USP32: variants seen among roughly 807,000 people sequenced by gnomAD.
USP32 encodes ubiquitin specific peptidase 32.
In USP32, 59 loss-of-function variants were observed where a neutral mutation model predicts 204.8. The ratio of observed to expected loss-of-function variants is 0.29; its 90% confidence interval spans 0.23 to 0.36. USP32 has a LOEUF of 0.36. Ranked by LOEUF, USP32 falls within the 10% of genes least tolerant of loss-of-function variation. USP32 has a pLI of 1.00. For missense variants in USP32, 1,160 were observed against 1,946.4 expected (o/e 0.60, Z 7.60); for synonymous variants, 517 against 678.4 (o/e 0.76, Z 3.70).
chr17:60,417,703 C>T (rs948962205), intron 1 of USP32, among the ~76,000 whole-genome samples: 1 of 152,116 alleles, frequency 6.6e-6, no homozygotes, highest in African/African-American at 2.4e-5. Context: ...ATCCGCCTGC[C>T]TCAGCCTCCC....
chr17:60,372,913 A>T (rs867025707), intron 1 of USP32, among the ~76,000 whole-genome samples: 3 of 151,846 alleles, frequency 2.0e-5, no homozygotes, highest in South Asian at 2.1e-4. Context: ...TCACATCTGT[A>T]ATCTCAGAGC....
chr17:60,283,218 A>T (rs1228049008), intron 5 of USP32, among the ~76,000 whole-genome samples: 1 of 152,208 alleles, frequency 6.6e-6, no homozygotes, highest in Non-Finnish European at 1.5e-5. Context: ...GTGTAGCTAT[A>T]ATATAAAAGT....
chr17:60,217,832 G>T (rs1567775734), intron 16 of USP32, among the ~76,000 whole-genome samples: 1 of 151,876 alleles, frequency 6.6e-6, no homozygotes, highest in Non-Finnish European at 1.5e-5. Flanking sequence ...TGAACTCCTG[G>T]GCTTAAGAGA....
chr17:60,245,101 A>G (rs1406986882), intron 11 of USP32, among the ~76,000 whole-genome samples: 2 of 152,264 alleles, frequency 1.3e-5, no homozygotes, highest in Non-Finnish European at 2.9e-5. Flanking sequence ...TAATGGGAAC[A>G]ACATGGTTTT....
chr17:60,321,206 AT>A (rs1381515597), intron 2 of USP32, among the ~76,000 whole-genome samples: 1 of 152,194 alleles, frequency 6.6e-6, no homozygotes, highest in Non-Finnish European at 1.5e-5. Context: ...TAAATTGCTT[AT>A]CAAAGTCTAA....
intron 1 of USP32, among the ~76,000 whole-genome samples, chr17:60,380,762 C>T (rs887795191): frequency 6.6e-6 from 1 of 152,188 alleles, no homozygotes; most frequent in African/African-American, 2.4e-5. Context: ...TTCATACCCA[C>T]TACTCATTTG....
At chr17:60,201,904 G>A (rs981176480) in intron 26 of USP32, among the ~76,000 whole-genome samples, 22 of 152,080 alleles carry the variant, frequency 1.4e-4, no homozygotes, top group Non-Finnish European at 2.1e-4. Flanking sequence ...TGATCCATCC[G>A]TCTCGGCCTC....
chr17:60,391,794 A>C (rs2089839366), intron 1 of USP32, 88 bp downstream of exon 1: 2 of 1,439,070 alleles, frequency 1.4e-6, no homozygotes, highest in Admixed American at 2.0e-5. Context: ...CCACGCCCTC[A>C]ATCTCCCCTC....
chr17:60,233,373 T>C (rs1023278786), intron 12 of USP32, among the ~76,000 whole-genome samples: 2 of 152,054 alleles, frequency 1.3e-5, no homozygotes, highest in Admixed American at 6.6e-5. Flanking sequence ...GGTGGGAGAA[T>C]TGCCTCAGTC....
intron 1 of USP32, among the ~76,000 whole-genome samples, 157 bp downstream of exon 1, chr17:60,391,725 C>G (rs754012578): frequency 6.6e-6 from 1 of 152,160 alleles, no homozygotes; most frequent in African/African-American, 2.4e-5. Flanking sequence ...TCCCACCCGA[C>G]CTCTCTCCTC....
chr17:60,349,634 ATATATATAT>A (rs1222909836), intron 1 of USP32, among the ~76,000 whole-genome samples: 68 of 110,136 alleles, frequency 6.2e-4, no homozygotes, highest in African/African-American at 3.5e-3. Flanking sequence ...TTATATATAT[ATATATATAT>A]TATATATATA....
intron 1 of USP32, among the ~76,000 whole-genome samples, chr17:60,390,211 TAGG>T (rs954995415): frequency 7.6e-4 from 116 of 152,354 alleles, no homozygotes; most frequent in African/African-American, 2.6e-3. Context: ...CTTAGTTTGA[TAGG>T]AGATTAAGCA....
chr17:60,379,552 G>T (rs2089610898), intron 1 of USP32, among the ~76,000 whole-genome samples: 1 of 152,126 alleles, frequency 6.6e-6, no homozygotes, highest in African/African-American at 2.4e-5. Context: ...ACAAATACAT[G>T]AGATGCGCAA....
chr17:60,181,111 C>A (rs1182241155), intron 32 of USP32, among the ~76,000 whole-genome samples: 1 of 151,990 alleles, frequency 6.6e-6, no homozygotes, highest in Admixed American at 6.6e-5. Flanking sequence ...CTCAAGTGAT[C>A]CTCCTGCCTC....
intron 11 of USP32, among the ~76,000 whole-genome samples, chr17:60,244,201 A>C (rs1280004398): frequency 6.6e-6 from 1 of 151,540 alleles, no homozygotes; most frequent in Non-Finnish European, 1.5e-5. Context: ...ACGCCCAGCT[A>C]ATTTTTTTAG....
intron 2 of USP32, among the ~76,000 whole-genome samples, chr17:60,319,009 A>G (rs1172255773): frequency 6.6e-6 from 1 of 152,262 alleles, no homozygotes; most frequent in African/African-American, 2.4e-5. Context: ...CACATATTAT[A>G]TGATACCACT....
rs766567474 is a variant in USP32, at chr17:60,179,052, G to A, written c.*203C>T. The stretch of plus-strand genomic sequence containing the variant: ...GGGATCTGCCTGAAAGTTCTCTATC[G>A]GAGAGCTTGTATGAGACTTCAAAAT... On this transcript the variant is annotated 3_prime_UTR_variant, in exon 34 of 34. Transcript: ENST00000300896. The A allele has an allele frequency of 1.3e-5, 8 of 593,428 alleles. No homozygotes were observed. Among genetic ancestry groups the A allele is most frequent in the East Asian group, 9.7e-5 (3 of 31,058 alleles). 36.8% of individuals were successfully genotyped at this position (593,428 alleles called of 1,614,324 possible).
intron 11 of USP32, among the ~76,000 whole-genome samples, chr17:60,242,323 G>C (rs1468164437): frequency 6.6e-6 from 1 of 152,010 alleles, no homozygotes; most frequent in African/African-American, 2.4e-5. Context: ...TCTTTTTAAA[G>C]TCAGTCCTTT....
At chr17:60,368,474 G>T (rs2089362042) in intron 1 of USP32, among the ~76,000 whole-genome samples, 1 of 151,802 alleles carries the variant, frequency 6.6e-6, no homozygotes. Flanking sequence ...TTCAACAAAA[G>T]ACTCTGCTTC....
Sources: gnomAD v4.1 joint callset for allele counts (sites outside exome capture counted in the v4.1 genomes callset) on GRCh38, gnomAD v4.1.1 for gene constraint, MANE v1.5 for transcripts, NCBI Gene and HGNC (gene_info 2026-07-23, HGNC 2026-07-21) for gene names.